NEO1: variants seen among roughly 807,000 people sequenced by gnomAD.
NEO1 encodes the protein neogenin 1.
Under a neutral mutation model 159.7 loss-of-function variants are expected in NEO1, and 63 were observed. The observed-to-expected ratio is 0.39, with a 90% CI of 0.32 to 0.49. The LOEUF is 0.49. NEO1 is among the 20% of genes least tolerant of loss of function. The probability of loss-of-function intolerance (pLI) is 0.85; values close to 1 mark genes in which losing one functional copy is unlikely to be tolerated. For missense variants in NEO1, 1,615 were observed against 1,831.0 expected (o/e 0.88, Z 2.15); for synonymous variants, 633 against 662.0 (o/e 0.96, Z 0.67).
intron 7 of NEO1, among the ~76,000 whole-genome samples, chr15:73,219,504 T>C (rs2038102060): frequency 5.6e-5 from 8 of 142,054 alleles, no homozygotes; most frequent in African/African-American, 2.1e-4. Flanking sequence ...CGTTGATCTG[T>C]CTAATGTTGA....
intron 7 of NEO1, among the ~76,000 whole-genome samples, chr15:73,231,746 C>T (rs1464714631): frequency 1.3e-5 from 2 of 152,120 alleles, no homozygotes; most frequent in Non-Finnish European, 1.5e-5. Flanking sequence ...CTGGCCCCTC[C>T]GTATTGCCTT....
At chr15:73,188,397 CTTG>C (rs796380208) in intron 7 of NEO1, among the ~76,000 whole-genome samples, 14 of 152,132 alleles carry the variant, frequency 9.2e-5, no homozygotes, top group African/African-American at 2.9e-4. Flanking sequence ...TGTTTTTCTA[CTTG>C]TTGTTATATC....
chr15:73,157,106 A>G (rs1261684153), intron 5 of NEO1, among the ~76,000 whole-genome samples: 4 of 152,064 alleles, frequency 2.6e-5, no homozygotes, highest in African/African-American at 9.7e-5. Flanking sequence ...GTGTTCTGCA[A>G]CTCAGTCCAG....
chr15:73,302,062 C>T (rs558659607), intron 28 of NEO1, among the ~76,000 whole-genome samples: 2 of 152,370 alleles, frequency 1.3e-5, no homozygotes, highest in South Asian at 4.1e-4. Context: ...TTAGTTCTGT[C>T]CCTTCTGTCA....
chr15:73,295,227 A>G (rs979730934), intron 26 of NEO1, among the ~76,000 whole-genome samples: 1 of 151,034 alleles, frequency 6.6e-6, no homozygotes, highest in Non-Finnish European at 1.5e-5. Context: ...CAAGATGGAC[A>G]GTTACTCCAG....
intron 5 of NEO1, among the ~76,000 whole-genome samples, chr15:73,168,007 A>G (rs2034692217): frequency 6.6e-6 from 1 of 152,168 alleles, no homozygotes; most frequent in African/African-American, 2.4e-5. Context: ...AGAAACAATG[A>G]TATAAAACAT....
intron 7 of NEO1, among the ~76,000 whole-genome samples, chr15:73,223,465 G>A (rs1259490705): frequency 1.3e-5 from 2 of 152,166 alleles, no homozygotes; most frequent in Non-Finnish European, 2.9e-5. Context: ...GGGAGCTCCA[G>A]TGTTAGGTGC....
rs1415649736 is a variant in NEO1, at chr15:73,267,389, TTTTC to T, written c.2494+982_2494+985del. On this transcript the variant is annotated intron_variant, in intron 16 of 28. Transcript: ENST00000261908. ...TGAATATGTTAGAGTTATAAATTTT[TTTTC>T]TTTTTTTTATTATACTTTAAGTTTT... 2.9e-4 allele frequency among the ~76,000 whole-genome samples: 44 copies of T among 152,220 alleles called. 1 individual carries two copies. Among genetic ancestry groups the T allele is most frequent in the Admixed American group, 2.9e-3 (44 of 15,282 alleles).
intron 5 of NEO1, among the ~76,000 whole-genome samples, chr15:73,174,270 G>T (rs1406346742): frequency 6.6e-6 from 1 of 152,200 alleles, no homozygotes; most frequent in Non-Finnish European, 1.5e-5. Context: ...GTTGAAGAAA[G>T]TGTAGCTGCT....
In NEO1 at chr15:73,261,077, G is replaced by T. The variant is rs117052800; in HGVS notation, c.2398+612G>T. On this transcript the variant is annotated intron_variant, in intron 15 of 28. Transcript: ENST00000261908. ...CCCCTATGAAGAGAATGGCCAATGG[G>T]AATCTCTTTATAACTGGTTCCTGTG... 3.2e-3 allele frequency among the ~76,000 whole-genome samples: 492 copies of T among 152,124 alleles called. 2 individuals carry two copies. Among genetic ancestry groups the T allele is most frequent in the Non-Finnish European group, 5.0e-3 (342 of 68,012 alleles).
Position 73,151,723 on chromosome 15 carries a change from C to T in NEO1, c.1015+15696C>T, listed in dbSNP as rs116177589. On this transcript the variant is annotated intron_variant, in intron 5 of 28. Coordinates refer to ENST00000261908, the MANE Select transcript of NEO1 (RefSeq NM_002499.4). ...ACCACCCCCATGATTCAGTTACCTC[C>T]CACAGGGTCTCTCCCACAACATGTG... Among the ~76,000 whole-genome samples the T allele has an allele frequency of 8.7e-3, 1,321 of 152,244 alleles. 23 individuals are homozygous for T. The highest frequency in any genetic ancestry group is 0.03 in the African/African-American group (1,249 of 41,528).
intron 1 of NEO1, among the ~76,000 whole-genome samples, chr15:73,097,357 C>T (rs868820021): frequency 3.5e-4 from 36 of 102,928 alleles, no homozygotes; most frequent in South Asian, 1.4e-3. Flanking sequence ...GTCAGAGCCT[C>T]TTTTTTTTTT....
chr15:73,052,688 C>G lies in NEO1; in HGVS notation c.13C>G (p.Arg5Gly). Residue 5 changes from arginine (R) to glycine (G), a missense_variant, in exon 1 of 29, where the codon CGG becomes GGG. Physicochemically the swap from Arg to Gly is moderately radical, Grantham distance 125 (BLOSUM62 -2). Transcript: ENST00000261908. Reference protein sequence around the residue: MAAERGARRLLSTPS... With the variant: MAAEGGARRLLSTPS... ...TCTCGGGGAAGAGATGGCGGCGGAG[C>G]GGGGAGCCCGGCGACTCCTCAGCAC... is the stretch of plus-strand genomic sequence containing the variant. The G allele has an allele frequency of 7.5e-7, 1 of 1,341,810 alleles. No individual in the cohort carries two copies. Among genetic ancestry groups the G allele is most frequent in the Non-Finnish European group, 9.6e-7 (1 of 1,038,464 alleles). 83.1% of individuals were successfully genotyped at this position (1,341,810 alleles called of 1,614,324 possible).
intron 7 of NEO1, among the ~76,000 whole-genome samples, chr15:73,197,800 C>A (rs1054856774): frequency 6.6e-6 from 1 of 151,532 alleles, no homozygotes; most frequent in African/African-American, 2.4e-5. Context: ...CCTGCCTCAG[C>A]CTCCCAAGTA....
chr15:73,156,399 C>T lies in NEO1; in HGVS notation c.1016-20004C>T, dbSNP rs926113695. On this transcript the variant is annotated intron_variant, in intron 5 of 28. Transcript: ENST00000261908. Reference sequence around the variant, plus strand: ...CCTGGTATGTGGTATATGCTGGCACCCATGTTGGTAGTTCCAGGTAGGCTG... The same window carrying T: ...CCTGGTATGTGGTATATGCTGGCACTCATGTTGGTAGTTCCAGGTAGGCTG... Among the ~76,000 whole-genome samples the T allele has an allele frequency of 2.6e-5, 4 of 152,190 alleles. 1 individual carries two copies. Among genetic ancestry groups the T allele is most frequent in the South Asian group, 4.2e-4 (2 of 4,814 alleles).
intron 16 of NEO1, among the ~76,000 whole-genome samples, chr15:73,269,607 G>A (rs549996504): frequency 5.9e-5 from 9 of 152,214 alleles, no homozygotes; most frequent in South Asian, 4.2e-4. Context: ...TGATCTGCCC[G>A]CCTCTGCCTC....
At chr15:73,185,032 T>A (rs910702930) in intron 7 of NEO1, among the ~76,000 whole-genome samples, 2 of 152,304 alleles carry the variant, frequency 1.3e-5, no homozygotes, top group African/African-American at 4.8e-5. Flanking sequence ...AGAAGCCAAT[T>A]TGAAAGGGCT....
chr15:73,254,648 T>C (rs1438196488), intron 12 of NEO1, 34 bp from the exon 13 acceptor site: 3 of 1,553,522 alleles, frequency 1.9e-6, no homozygotes, highest in Non-Finnish European at 2.6e-6. Flanking sequence ...TTTTGATATA[T>C]TCAGCCTTTT....
intron 7 of NEO1, among the ~76,000 whole-genome samples, chr15:73,220,633 ATTC>A (rs1364990759): frequency 6.6e-6 from 1 of 151,984 alleles, no homozygotes; most frequent in Admixed American, 6.5e-5. Flanking sequence ...GTTTCTTTTT[ATTC>A]TTTTTTCTCT....
Sources: allele counts gnomAD v4.1 joint callset (sites outside exome capture counted in the v4.1 genomes callset), GRCh38; gene constraint gnomAD v4.1.1; transcripts MANE v1.5; gene names NCBI Gene and HGNC (gene_info 2026-07-23, HGNC 2026-07-21).